Variants in EMILIN2 observed in about 807,000 individuals in gnomAD.
EMILIN2 encodes EMILIN-2.
EMILIN2 carries 71 observed loss-of-function variants against 87.1 expected under a neutral mutation model. The observed-to-expected ratio is 0.82, with a 90% CI of 0.67 to 0.99. The LOEUF is 0.99. Ranked by LOEUF, EMILIN2 falls within the 50% of genes least tolerant of loss-of-function variation. EMILIN2 has a pLI of 0.00. For missense variants in EMILIN2, 1,407 were observed against 1,371.8 expected (o/e 1.03, Z -0.40); for synonymous variants, 581 against 563.4 (o/e 1.03, Z -0.44).
At position 2,847,181 on chromosome 18, in the gene EMILIN2, C is replaced by T. The variant is rs2076578849; in HGVS notation, c.-8C>T. The T allele has an allele frequency of 8.9e-7, 1 of 1,123,782 alleles. No individual in the cohort carries two copies. The highest frequency in any genetic ancestry group is 1.1e-6 in the Non-Finnish European group (1 of 922,964). 69.6% of individuals were successfully genotyped at this position (1,123,782 alleles called of 1,614,324 possible). A position where few individuals can be genotyped will look rare whatever the true frequency, so the allele number is the denominator to read the frequency against. ...CCGGGCAGGCGGGGCGCGCCCGCTG[C>T]GCGCGGGATGTGGCAGCCCAGACGG... is the stretch of plus-strand genomic sequence containing the variant. On this transcript the variant is annotated 5_prime_UTR_variant, in exon 1 of 8. Coordinates refer to ENST00000254528, the MANE Select transcript of EMILIN2 (RefSeq NM_032048.3). This position sits in a 1 kb window ranked among gnomAD's most constrained non-coding sequence, Gnocchi z 4.5.
chr18:2,857,751 G>A (rs187719691), intron 2 of EMILIN2, among the ~76,000 whole-genome samples: 9 of 152,260 alleles, frequency 5.9e-5, no homozygotes, highest in Admixed American at 2.6e-4. Flanking sequence ...CCTTGAGTCC[G>A]GTCTGTTGTG....
At position 2,907,073 on chromosome 18, in the gene EMILIN2, G is replaced by A. The variant is rs1039264440; in HGVS notation, c.2650G>A (p.Ala884Thr). 94 of 1,254,124 alleles carry A rather than the reference G, an allele frequency of 7.5e-5. No homozygotes were observed. The highest frequency in any genetic ancestry group is 9.3e-5 in the Non-Finnish European group (93 of 1,002,108). The allele number at this position is 1,254,124 out of a possible 1,614,324, so 77.7% of individuals were successfully genotyped here. ...SGTVPGAEGF[A>T]GAPGYPKSPP... The stretch of plus-strand genomic sequence containing the variant: ...CACCGTCCCCGGCGCAGAAGGCTTC[G>A]CGGGCGCACCAGGTGAGGCCCGGGG... Residue 884 changes from alanine to threonine, a missense_variant, in exon 5 of 8, where the codon GCG becomes ACG. By Grantham distance (58) the Ala-to-Thr change is moderately conservative. Transcript: ENST00000254528.
intron 2 of EMILIN2, among the ~76,000 whole-genome samples, chr18:2,851,455 T>G (rs1257761854): frequency 6.6e-6 from 1 of 152,096 alleles, no homozygotes; most frequent in African/African-American, 2.4e-5. Context: ...GAGAGAGCAT[T>G]CTGCCTATCT....
intron 2 of EMILIN2, among the ~76,000 whole-genome samples, chr18:2,881,740 G>A (rs2076777736): frequency 6.6e-6 from 1 of 152,220 alleles, no homozygotes; most frequent in Non-Finnish European, 1.5e-5. Context: ...ATGCTCAGAG[G>A]AACCACGTTT....
At chr18:2,854,749 G>C (rs545989924) in intron 2 of EMILIN2, among the ~76,000 whole-genome samples, 3 of 152,238 alleles carry the variant, frequency 2.0e-5, no homozygotes, top group African/African-American at 7.2e-5. Context: ...AGCCATGATT[G>C]CAGTACTGCA....
At chr18:2,883,064 C>A (rs1232329970) in intron 2 of EMILIN2, among the ~76,000 whole-genome samples, 1 of 152,066 alleles carries the variant, frequency 6.6e-6, no homozygotes, top group African/African-American at 2.4e-5. Context: ...ACAACAAAAA[C>A]CAAAGGAAAC....
intron 4 of EMILIN2, among the ~76,000 whole-genome samples, chr18:2,905,232 G>T (rs547850817): frequency 7.1e-6 from 1 of 140,190 alleles, no homozygotes; most frequent in Admixed American, 7.8e-5. Context: ...TGGAACATTG[G>T]TCAGGAAAGG....
chr18:2,848,169 G>T lies in EMILIN2; in HGVS notation c.257+238G>T, dbSNP rs1159912812. Among the ~76,000 whole-genome samples, 1 of 152,162 alleles carries T rather than the reference G, an allele frequency of 6.6e-6. No homozygotes were observed. Among genetic ancestry groups the T allele is most frequent in the African/African-American group, 2.4e-5 (1 of 41,442 alleles). On this transcript the variant is annotated intron_variant, in intron 2 of 7. Transcript: ENST00000254528. The surrounding 1 kb of genome is among the most constrained non-coding windows in gnomAD (Gnocchi z 4.1). ...GCGCGCGCCTCGGGAGTGTGGGGTC[G>T]CGGGGGCGTAGGAGAGGATGAACAA...
At chr18:2,876,149 T>G (rs752006512) in intron 2 of EMILIN2, among the ~76,000 whole-genome samples, 4 of 151,674 alleles carry the variant, frequency 2.6e-5, no homozygotes, top group South Asian at 2.1e-4. Context: ...ACCCAGCTAA[T>G]TTTTTGTATT....
chr18:2,890,538 G>A lies in EMILIN2; in HGVS notation c.434-23G>A, dbSNP rs2076829311. On this transcript the variant is annotated intron_variant, in intron 3 of 7. Transcript: ENST00000254528. This position sits in a 1 kb window ranked among gnomAD's most constrained non-coding sequence, Gnocchi z 4.7. ...CTAAAGGTAGAAAATGTTCATTCATGTCCAACTTTATCTTTGTAACAGATA... is the reference window on the plus strand; with the variant it reads ...CTAAAGGTAGAAAATGTTCATTCATATCCAACTTTATCTTTGTAACAGATA... 1 of 1,527,242 alleles carries A rather than the reference G, an allele frequency of 6.5e-7. No individual in the cohort carries two copies. Among genetic ancestry groups the A allele is most frequent in the Non-Finnish European group, 8.8e-7 (1 of 1,137,296 alleles). 94.6% of individuals were successfully genotyped at this position (1,527,242 alleles called of 1,614,324 possible).
At chr18:2,893,114 T>A (rs1240145362) in intron 4 of EMILIN2, among the ~76,000 whole-genome samples, 3 of 152,046 alleles carry the variant, frequency 2.0e-5, no homozygotes, top group African/African-American at 7.3e-5. Flanking sequence ...TACAAAAATA[T>A]CAGTTCACAA....
chr18:2,901,256 A>G (rs2076887102), intron 4 of EMILIN2, among the ~76,000 whole-genome samples: 1 of 152,174 alleles, frequency 6.6e-6, no homozygotes, highest in Non-Finnish European at 1.5e-5. Context: ...AACAGGGCCA[A>G]CCCTTTCCCC....
intron 2 of EMILIN2, among the ~76,000 whole-genome samples, chr18:2,865,035 A>C (rs189695204): frequency 1.3e-5 from 2 of 152,168 alleles, no homozygotes; most frequent in African/African-American, 4.8e-5. Flanking sequence ...TGCATTCGTC[A>C]CGTAGTTCTT....
Position 2,891,392 on chromosome 18 carries a change from C to A in EMILIN2, c.1265C>A (p.Ala422Asp), listed in dbSNP as rs2076835563. Reference sequence around the variant, plus strand: ...CAGAAAATCGAGAGAGTTGCTGAAGCCACCAGAATGCTGAATGGAAGACTG... The same window carrying A: ...CAGAAAATCGAGAGAGTTGCTGAAGACACCAGAATGCTGAATGGAAGACTG... ...LDQKIERVAE[A>D]TRMLNGRLDN... The change falls in exon 4 of 8, where the codon GCC becomes GAC. Residue 422 changes from alanine to aspartate, a missense_variant. Coordinates refer to ENST00000254528, the MANE Select transcript of EMILIN2 (RefSeq NM_032048.3). This position sits in a 1 kb window ranked among gnomAD's most constrained non-coding sequence, Gnocchi z 4.6. 6.2e-7 allele frequency: 1 copy of A among 1,614,046 alleles called. No individual in the cohort carries two copies. The highest frequency in any genetic ancestry group is 1.7e-5 in the Admixed American group (1 of 59,998).
chr18:2,913,534 C>G lies in EMILIN2; in HGVS notation c.*130C>G. 2.7e-6 allele frequency: 2 copies of G among 738,664 alleles called. No homozygotes were observed. Among genetic ancestry groups the G allele is most frequent in the Non-Finnish European group, 4.3e-6 (2 of 467,154 alleles). 45.8% of individuals were successfully genotyped at this position (738,664 alleles called of 1,614,324 possible). A position where few individuals can be genotyped will look rare whatever the true frequency, so the allele number is the denominator to read the frequency against. ...ATAGGCCCCAACATAAAGGCCTTCC[C>G]TCGCTGTTGAGGCCACCATGCCTTA... On this transcript the variant is annotated 3_prime_UTR_variant, in exon 8 of 8. Transcript: ENST00000254528.
At chr18:2,909,270 G>GT (rs1008757878) in intron 6 of EMILIN2, among the ~76,000 whole-genome samples, 3 of 152,230 alleles carry the variant, frequency 2.0e-5, no homozygotes, top group Non-Finnish European at 4.4e-5. Context: ...CTCTGCCCTT[G>GT]TGTGGTCCTG....
At chr18:2,850,098 T>C (rs1598482686) in intron 2 of EMILIN2, among the ~76,000 whole-genome samples, 1 of 148,514 alleles carries the variant, frequency 6.7e-6, no homozygotes, top group South Asian at 2.1e-4. Flanking sequence ...AGCTAATTTT[T>C]TTTTTTTTTT....
chr18:2,893,246 A>AGTG (rs1342644261), intron 4 of EMILIN2, among the ~76,000 whole-genome samples: 1 of 152,144 alleles, frequency 6.6e-6, no homozygotes, highest in African/African-American at 2.4e-5. Context: ...AGCTTGGGGC[A>AGTG]GTGGGTGTTG....
Position 2,881,563 on chromosome 18 carries a change from G to A in EMILIN2, c.258-3401G>A, listed in dbSNP as rs148102640. On this transcript the variant is annotated intron_variant, in intron 2 of 7. Transcript: ENST00000254528. ...GCTCTGGGGCATGACAGAGGTCACA[G>A]CCCGCTGCTGGGCTGGAGTGGGGGC... 3.3e-5 allele frequency among the ~76,000 whole-genome samples: 5 copies of A among 152,344 alleles called. No homozygotes were observed. The East Asian group carries it at 9.7e-4, about 29-fold the overall frequency.
Sources: allele counts gnomAD v4.1 joint callset (sites outside exome capture counted in the v4.1 genomes callset), GRCh38; gene constraint gnomAD v4.1.1; non-coding constraint Gnocchi (gnomAD v3.1); transcripts MANE v1.5; gene names NCBI Gene and HGNC (gene_info 2026-07-23, HGNC 2026-07-21).